The following FAIM2 variants were observed in gnomAD, a reference collection of about 807,000 sequenced individuals.
The protein encoded by FAIM2 is protein lifeguard 2.
In FAIM2, 27 loss-of-function variants were observed where a neutral mutation model predicts 47.4. That is an observed-to-expected ratio of 0.57 (90% confidence interval 0.42 to 0.78). The LOEUF (loss-of-function observed/expected upper bound fraction) is 0.78, where lower values mean the gene tolerates loss of function less well. Among genes scored for constraint, FAIM2 ranks in the 30% least tolerant of loss-of-function variants. The pLI, the probability that FAIM2 is intolerant of heterozygous loss-of-function variation, is 0.00. For missense variants in FAIM2, 311 were observed against 389.4 expected, an observed-to-expected ratio of 0.80 and a Z score of 1.69; for synonymous variants, 156 against 159.3, an observed-to-expected ratio of 0.98 and a Z score of 0.16.
chr12:49,870,976 A>G (rs1472667319), intron 11 of FAIM2, among the ~76,000 whole-genome samples: 4 of 152,212 alleles, frequency 2.6e-5, no homozygotes, highest in African/African-American at 9.7e-5. Flanking sequence ...AGTGGGGCTG[A>G]TAACAAGGAG....
chr12:49,894,438 G>A (rs542413315), intron 5 of FAIM2, among the ~76,000 whole-genome samples: 3 of 152,326 alleles, frequency 2.0e-5, no homozygotes, highest in African/African-American at 4.8e-5. Flanking sequence ...AACCAATGGA[G>A]GGAGGCGATG....
chr12:49,888,546 G>C (rs528213724), intron 10 of FAIM2, among the ~76,000 whole-genome samples: 6 of 152,226 alleles, frequency 3.9e-5, no homozygotes, highest in Admixed American at 3.9e-4. Flanking sequence ...CAGGGGCCTG[G>C]GTGCCTGCAG....
chr12:49,878,416 ATG>A (rs776819807), intron 11 of FAIM2, among the ~76,000 whole-genome samples: 31,380 of 96,826 alleles, frequency 0.32, 8,027 homozygotes, highest in African/African-American at 0.54. Context: ...ATGTGAGTGT[ATG>A]TGTGTGTATA....
chr12:49,889,615 G>T, intron 8 of FAIM2, 47 bp from the exon 9 acceptor site: 6 of 1,510,682 alleles, frequency 4.0e-6, no homozygotes, highest in Non-Finnish European at 5.5e-6. Flanking sequence ...AGGGCATCTG[G>T]TCTCCCCCAC....
intron 5 of FAIM2, among the ~76,000 whole-genome samples, chr12:49,892,338 C>T (rs547372458): frequency 2.6e-5 from 4 of 152,234 alleles, no homozygotes; most frequent in South Asian, 2.1e-4. Context: ...AGCTGTTTTC[C>T]GTCTTTAACC....
chr12:49,886,641 A>AT (rs958036734), intron 11 of FAIM2, among the ~76,000 whole-genome samples: 13 of 151,644 alleles, frequency 8.6e-5, no homozygotes, highest in Non-Finnish European at 1.8e-4. Flanking sequence ...CACCCGGCTA[A>AT]TTTTTTTTGT....
At chr12:49,891,223 A>C (rs1946897932) in intron 5 of FAIM2, 109 bp from the exon 6 acceptor site, 2 of 1,063,540 alleles carry the variant, frequency 1.9e-6, no homozygotes, top group Non-Finnish European at 2.9e-6. Context: ...GGCAGCCAGG[A>C]GGGACAGGAT....
At chr12:49,896,974 C>T in intron 5 of FAIM2, 57 bp downstream of exon 5, 1 of 1,371,518 alleles carries the variant, frequency 7.3e-7, no homozygotes, top group South Asian at 1.2e-5. Context: ...ACAGAGATTC[C>T]CTCTTCTGGC....
chr12:49,889,548 A>G lies in FAIM2; in HGVS notation c.584T>C (p.Val195Ala). Reference protein sequence around the residue: ...MLSSYYNTTSVLLCLGITALV... With the variant: ...MLSSYYNTTSALLCLGITALV... The stretch of plus-strand genomic sequence containing the variant: ...GGCCGTGATGCCCAGGCACAGCAGC[A>G]CGGAGGTGGTGTTGTAGTAGCTGAG... Residue 195 changes from valine to alanine, a missense_variant, in exon 9 of 12, where the codon GTG (valine) becomes GCG (alanine). Physicochemically the swap from Val to Ala is moderately conservative, Grantham distance 64. Transcript: ENST00000320634. The G allele has an allele frequency of 6.2e-7, 1 of 1,613,994 alleles. No individual in the cohort carries two copies. Among genetic ancestry groups the G allele is most frequent in the Non-Finnish European group, 8.5e-7 (1 of 1,179,980 alleles).
chr12:49,890,008 G>T, intron 8 of FAIM2, 109 bp downstream of exon 8: 2 of 1,097,884 alleles, frequency 1.8e-6, no homozygotes, highest in Non-Finnish European at 2.8e-6. Flanking sequence ...GAGCCCCCGG[G>T]CCCATCCACA....
rs187159830 is a variant in FAIM2, at chr12:49,901,190, C to T, written c.151G>A (p.Ala51Thr). ...ATSGEGMKAG[A>T]FPPAPTAVPL... Reference sequence around the variant, plus strand: ...ACCGCTGTGGGGGCTGGGGGGAAGGCCCCTGCCTTCATCCCCTCCCCAGAG... The same window carrying T: ...ACCGCTGTGGGGGCTGGGGGGAAGGTCCCTGCCTTCATCCCCTCCCCAGAG... Residue 51 changes from alanine to threonine, a missense_variant, in exon 2 of 12, where the codon GCC (alanine) becomes ACC (threonine). Physicochemically the swap from Ala to Thr is moderately conservative, Grantham distance 58. Transcript: ENST00000320634. 10 of 1,610,168 alleles carry T rather than the reference C, an allele frequency of 6.2e-6. No individual in the cohort carries two copies. The Admixed American group carries it at 1.2e-4, about 19-fold the overall frequency.
At chr12:49,878,612 A>G (rs1390039841) in intron 11 of FAIM2, among the ~76,000 whole-genome samples, 2 of 128,328 alleles carry the variant, frequency 1.6e-5, no homozygotes, top group South Asian at 2.7e-4. Flanking sequence ...GTGCATGTGT[A>G]TGTGTGCATA....
intron 1 of FAIM2, 114 bp downstream of exon 1, chr12:49,903,664 C>T: frequency 7.1e-7 from 1 of 1,399,470 alleles, no homozygotes; most frequent in Non-Finnish European, 9.9e-7. Context: ...CACGGAGGAC[C>T]TTCAAACTAG....
chr12:49,901,059 C>T (rs752441819), intron 2 of FAIM2, 71 bp downstream of exon 2: 1 of 1,250,282 alleles, frequency 8.0e-7, no homozygotes, highest in South Asian at 1.5e-5. Flanking sequence ...CAACTTCCTC[C>T]TACTCAGGTT....
intron 11 of FAIM2, among the ~76,000 whole-genome samples, chr12:49,878,422 G>C (rs143848220): frequency 8.0e-6 from 1 of 124,652 alleles, no homozygotes; most frequent in Admixed American, 9.1e-5. Flanking sequence ...GTGTATGTGT[G>C]TGTATATGTG....
At chr12:49,903,420 C>T (rs965292668) in intron 1 of FAIM2, among the ~76,000 whole-genome samples, 1 of 152,182 alleles carries the variant, frequency 6.6e-6, no homozygotes, top group Admixed American at 6.5e-5. Context: ...ATAGGCACTG[C>T]CCCTCAGGGC....
At chr12:49,883,106 C>T (rs1409383683) in intron 11 of FAIM2, among the ~76,000 whole-genome samples, 2 of 152,152 alleles carry the variant, frequency 1.3e-5, no homozygotes, top group Admixed American at 6.5e-5. Context: ...CATGCTCACA[C>T]AGCACGAGTC....
chr12:49,872,507 C>T (rs976645441), intron 11 of FAIM2, among the ~76,000 whole-genome samples: 1 of 152,226 alleles, frequency 6.6e-6, no homozygotes, highest in Non-Finnish European at 1.5e-5. Flanking sequence ...CCGCCATGGA[C>T]TCCTTGTCTC....
intron 1 of FAIM2, chr12:49,902,977 G>C (rs923946828): frequency 6.6e-6 from 1 of 152,184 alleles, no homozygotes; most frequent in African/African-American, 2.4e-5. Context: ...AAGAGAAGAA[G>C]GGGGAGTGTA....
Sources: gnomAD v4.1 joint callset for allele counts (sites outside exome capture counted in the v4.1 genomes callset) on GRCh38, gnomAD v4.1.1 for gene constraint, MANE v1.5 for transcripts, NCBI Gene and HGNC (gene_info 2026-07-23, HGNC 2026-07-21) for gene names.